FRMPD4: variants seen among roughly 807,000 people sequenced by gnomAD.
FRMPD4 encodes FERM and PDZ domain containing 4, also known as FERM and PDZ domain-containing protein 4.
A neutral mutation model predicts 94.1 loss-of-function variants in FRMPD4; 22 were observed. That is an observed-to-expected ratio of 0.23 (90% CI 0.17 to 0.33). The LOEUF is 0.33. Ranked by LOEUF, FRMPD4 falls within the 10% of genes least tolerant of loss-of-function variation. The pLI, the probability that FRMPD4 is intolerant of heterozygous loss-of-function variation, is 1.00. For synonymous variants in FRMPD4, 631 were observed against 548.6 expected, an observed-to-expected ratio of 1.15 and a Z score of -2.10; for missense variants, 1,111 against 1,339.9, an observed-to-expected ratio of 0.83 and a Z score of 2.67.
At chrX:12,694,582 G>A (rs1325486729) in intron 9 of FRMPD4, 128 bp downstream of exon 9, 29 of 476,798 alleles carry the variant, frequency 6.1e-5, no homozygotes, top group East Asian at 4.6e-4. Flanking sequence ...TGAATCGTAC[G>A]ATAATTCTAT....
chrX:11,884,156 AG>A (rs1421350680), intron 3 of FRMPD4, among the ~76,000 whole-genome samples: 1 of 107,025 alleles, frequency 9.3e-6, no homozygotes, highest in Non-Finnish European at 1.9e-5. Flanking sequence ...CTGCTCATAA[AG>A]GACCTTTTGT....
rs376139603 is a variant in FRMPD4, at chrX:12,382,591, T to A, written c.42-116089T>A. 6.6e-4 allele frequency among the ~76,000 whole-genome samples: 58 copies of A among 87,695 alleles called. 1 individual carries two copies. The South Asian group carries it at 0.028, about 43-fold the overall frequency. The allele number at this position is 87,695 out of a possible 115,157, so 76.2% of individuals were successfully genotyped here. A position where few individuals can be genotyped will look rare whatever the true frequency, so the allele number is the denominator to read the frequency against. ...AGCATAGCATAGCAAGCAATAATTG[T>A]TTGCTGAAAAAAAGCAAACTTCTGT... On this transcript the variant is annotated intron_variant, in intron 1 of 16. Transcript: ENST00000675598.
intron 1 of FRMPD4, among the ~76,000 whole-genome samples, chrX:12,320,764 G>C (rs1434534548): frequency 9.0e-6 from 1 of 111,017 alleles, no homozygotes; most frequent in East Asian, 2.8e-4. Flanking sequence ...TTTTAAAAGC[G>C]ATACTGTAAA....
chrX:11,826,189 A>G (rs1443758231), intron 1 of FRMPD4, among the ~76,000 whole-genome samples: 2 of 112,002 alleles, frequency 1.8e-5, no homozygotes, highest in African/African-American at 6.5e-5. Context: ...GGACTCATCT[A>G]AGTTTGCCAA....
rs67964946 is a variant in FRMPD4, at chrX:12,183,126, A to C, written c.41+44114A>C. Among the ~76,000 whole-genome samples, 251 of 83,827 alleles carry C rather than the reference A, an allele frequency of 3.0e-3. 1 individual carries two copies. Among genetic ancestry groups the C allele is most frequent in the Admixed American group, 0.011 (78 of 7,137 alleles). The allele number at this position is 83,827 out of a possible 115,157, so 72.8% of individuals were successfully genotyped here. On this transcript the variant is annotated intron_variant, in intron 1 of 16. Coordinates refer to ENST00000675598, the MANE Select transcript of FRMPD4 (RefSeq NM_001368397.1). ...TCATTGTTGCTATCTATCTATCTAT[A>C]TATATATATGTCAGCACAACTGAAA... is the stretch of plus-strand genomic sequence containing the variant.
chrX:11,960,063 G>A (rs2054276528), intron 3 of FRMPD4, among the ~76,000 whole-genome samples: 2 of 111,355 alleles, frequency 1.8e-5, no homozygotes, highest in Non-Finnish European at 3.8e-5. Context: ...ACAGCAAGCA[G>A]CAGATGTGTT....
intron 3 of FRMPD4, among the ~76,000 whole-genome samples, chrX:12,058,932 G>C (rs2054869954): frequency 9.0e-6 from 1 of 111,398 alleles, no homozygotes; most frequent in Admixed American, 9.6e-5. Context: ...TAGGCCAATA[G>C]TCAATAGTGT....
intron 1 of FRMPD4, among the ~76,000 whole-genome samples, chrX:12,472,116 A>C (rs2057521472): frequency 8.9e-6 from 1 of 112,266 alleles, no homozygotes; most frequent in African/African-American, 3.2e-5. Context: ...TGTATAGATC[A>C]ACATCAAAAA....
intron 1 of FRMPD4, among the ~76,000 whole-genome samples, chrX:12,181,892 T>C (rs111815302): frequency 8.9e-6 from 1 of 111,808 alleles, no homozygotes; most frequent in Admixed American, 9.5e-5. Flanking sequence ...GCAGCCTTTT[T>C]TTCCCTCCCA....
chrX:11,844,185 C>G (rs1460170381), intron 1 of FRMPD4, among the ~76,000 whole-genome samples: 1 of 102,351 alleles, frequency 9.8e-6, no homozygotes, highest in Admixed American at 1.1e-4. Flanking sequence ...TTACTGGAGA[C>G]GAGTTTTCAC....
chrX:11,947,808 C>T (rs912398520), intron 3 of FRMPD4, among the ~76,000 whole-genome samples: 1 of 111,102 alleles, frequency 9.0e-6, no homozygotes, highest in African/African-American at 3.3e-5. Context: ...AATCCTCGGC[C>T]AGGTGCAGTG....
At chrX:11,909,790 TG>T (rs2053986823) in intron 3 of FRMPD4, among the ~76,000 whole-genome samples, 1 of 111,430 alleles carries the variant, frequency 9.0e-6, no homozygotes, top group South Asian at 3.7e-4. Flanking sequence ...CTTCAGACCA[TG>T]AGTTATTTAG....
At chrX:12,576,483 C>G (rs771360925) in intron 2 of FRMPD4, among the ~76,000 whole-genome samples, 10 of 112,709 alleles carry the variant, frequency 8.9e-5, no homozygotes, top group Non-Finnish European at 1.9e-4. Context: ...CATACCACAT[C>G]CTCATCTGCT....
intron 1 of FRMPD4, among the ~76,000 whole-genome samples, chrX:12,190,592 T>A (rs945996125): frequency 2.7e-5 from 3 of 109,910 alleles, no homozygotes; most frequent in Non-Finnish European, 5.7e-5. Flanking sequence ...ACATTAATAT[T>A]ATTAGTCACC....
chrX:11,996,910 T>C (rs1250351373), intron 3 of FRMPD4, among the ~76,000 whole-genome samples: 4 of 111,568 alleles, frequency 3.6e-5, no homozygotes, highest in Non-Finnish European at 7.5e-5. Context: ...AGATTGAAAA[T>C]GCCGTAGGAA....
At chrX:12,263,676 G>A (rs777887918) in intron 1 of FRMPD4, among the ~76,000 whole-genome samples, 1 of 111,148 alleles carries the variant, frequency 9.0e-6, no homozygotes, top group South Asian at 3.8e-4. Flanking sequence ...GAAGTGGAGG[G>A]ATCCTGGATA....
At chrX:12,019,147 T>C (rs1337272451) in intron 3 of FRMPD4, among the ~76,000 whole-genome samples, 1 of 109,175 alleles carries the variant, frequency 9.2e-6, no homozygotes, top group African/African-American at 3.4e-5. Context: ...GCCAAATGAG[T>C]TTCAATTTTT....
chrX:12,098,272 GAAA>G (rs5901461), intron 3 of FRMPD4, among the ~76,000 whole-genome samples: 29 of 102,813 alleles, frequency 2.8e-4, no homozygotes, highest in Middle Eastern at 4.9e-3. Flanking sequence ...GAAAGAAAAA[GAAA>G]AAAAAAAAAC....
chrX:11,918,801 A>AG (rs1229144195), intron 3 of FRMPD4, among the ~76,000 whole-genome samples: 1 of 111,960 alleles, frequency 8.9e-6, no homozygotes, highest in African/African-American at 3.2e-5. Context: ...TCCTCCTGGT[A>AG]GGGGTGGGAG....
Sources: gnomAD v4.1 joint callset for allele counts (sites outside exome capture counted in the v4.1 genomes callset) on GRCh38, gnomAD v4.1.1 for gene constraint, MANE v1.5 for transcripts, NCBI Gene and HGNC (gene_info 2026-07-23, HGNC 2026-07-21) for gene names.